The following RSPO3 variants were observed in gnomAD, a reference collection of about 807,000 sequenced individuals.
The protein encoded by RSPO3 is R-spondin-3.
RSPO3 carries 17 observed loss-of-function variants against 36.5 expected under a neutral mutation model. The observed-to-expected ratio is 0.47, with a 90% confidence interval of 0.32 to 0.70. RSPO3 has a LOEUF of 0.70. RSPO3 is among the 30% of genes least tolerant of loss of function. The pLI, the probability that RSPO3 is intolerant of heterozygous loss-of-function variation, is 0.04. For missense variants in RSPO3, 294 were observed against 322.5 expected (o/e 0.91, Z 0.68); for synonymous variants, 108 against 107.0 (o/e 1.01, Z -0.06).
chr6:127,196,284 G>A lies in RSPO3; in HGVS notation c.*277G>A, dbSNP rs1775514375. On this transcript the variant is annotated 3_prime_UTR_variant, in exon 5 of 5. Transcript: ENST00000356698. Reference sequence around the variant, plus strand: ...ACATATTATCAATAGGCTATAAGATGTAACAACGAAATGATGACATCTGGA... The same window carrying A: ...ACATATTATCAATAGGCTATAAGATATAACAACGAAATGATGACATCTGGA... 8.8e-6 allele frequency: 2 copies of A among 227,968 alleles called. No homozygotes were observed. The highest frequency in any genetic ancestry group is 1.7e-5 in the Non-Finnish European group (2 of 116,988). The allele number at this position is 227,968 out of a possible 1,614,324, so 14.1% of individuals were successfully genotyped here. A position where few individuals can be genotyped will look rare whatever the true frequency, so the allele number is the denominator to read the frequency against.
chr6:127,197,286 C>T lies in RSPO3; in HGVS notation c.*1279C>T, dbSNP rs981700999. The T allele has an allele frequency of 4.0e-6, 4 of 1,004,634 alleles. No homozygotes were observed. The highest frequency in any genetic ancestry group is 2.6e-5 in the East Asian group (1 of 38,056). The allele number at this position is 1,004,634 out of a possible 1,614,324, so 62.2% of individuals were successfully genotyped here. On this transcript the variant is annotated 3_prime_UTR_variant, in exon 5 of 5. Coordinates refer to ENST00000356698, the MANE Select transcript of RSPO3 (RefSeq NM_032784.5). ...TTTTAATCAACATTCTAATTATAGA[C>T]ACATGGGCCTCCCTAGCTGATTTCA...
intron 1 of RSPO3, among the ~76,000 whole-genome samples, chr6:127,146,792 T>C (rs192243858): frequency 5.3e-5 from 8 of 152,162 alleles, no homozygotes; most frequent in Middle Eastern, 3.4e-3. Context: ...TGAAAAGGTC[T>C]TACAAGTTTT....
At chr6:127,131,127 G>A (rs530400011) in intron 1 of RSPO3, among the ~76,000 whole-genome samples, 2 of 152,246 alleles carry the variant, frequency 1.3e-5, no homozygotes, top group South Asian at 4.1e-4. Context: ...TTCCTTGGAG[G>A]CCAGTTAGGC....
chr6:127,144,643 G>GTTTTTTTTTTGTTTTTTT (rs1554220624), intron 1 of RSPO3, among the ~76,000 whole-genome samples: 997 of 99,048 alleles, frequency 0.01, 126 homozygotes, highest in African/African-American at 0.039. Context: ...GCTTCCCCTT[G>GTTTTTTTTTTGTTTTTTT]TTTTTTTTTT....
intron 1 of RSPO3, among the ~76,000 whole-genome samples, chr6:127,148,341 C>T (rs922984713): frequency 1.9e-4 from 29 of 151,088 alleles, no homozygotes; most frequent in African/African-American, 7.0e-4. Context: ...ATTAGTTATA[C>T]ATAATTTAAA....
chr6:127,158,663 T>A (rs1774644088), intron 4 of RSPO3, among the ~76,000 whole-genome samples: 1 of 152,168 alleles, frequency 6.6e-6, no homozygotes, highest in Non-Finnish European at 1.5e-5. Context: ...ATGTATATGT[T>A]ACAAAATCTT....
At chr6:127,181,112 A>T (rs1775177942) in intron 4 of RSPO3, among the ~76,000 whole-genome samples, 1 of 151,856 alleles carries the variant, frequency 6.6e-6, no homozygotes, top group Admixed American at 6.6e-5. Context: ...ACTATGACTA[A>T]ATAGCTTGAC....
chr6:127,147,006 T>C (rs1202366699), intron 1 of RSPO3, among the ~76,000 whole-genome samples: 1 of 152,148 alleles, frequency 6.6e-6, no homozygotes, highest in Non-Finnish European at 1.5e-5. Context: ...GGCCCTGTAA[T>C]GTCTAAACCT....
chr6:127,199,220 T>C lies in RSPO3; in HGVS notation c.*3213T>C, dbSNP rs897262184. Reference sequence around the variant, plus strand: ...ATCATCCCAAATCTGCAAAATGGAATTGGCATCATCTCTTTTGCAAGATTG... The same window carrying C: ...ATCATCCCAAATCTGCAAAATGGAACTGGCATCATCTCTTTTGCAAGATTG... On this transcript the variant is annotated 3_prime_UTR_variant, in exon 5 of 5. Transcript: ENST00000356698. Among the ~76,000 whole-genome samples, 6 of 152,194 alleles carry C rather than the reference T, an allele frequency of 3.9e-5. No individual in the cohort carries two copies. Among genetic ancestry groups the C allele is most frequent in the African/African-American group, 7.2e-5 (3 of 41,454 alleles).
At chr6:127,167,934 A>G (rs1399711708) in intron 4 of RSPO3, among the ~76,000 whole-genome samples, 1 of 152,036 alleles carries the variant, frequency 6.6e-6, no homozygotes, top group Non-Finnish European at 1.5e-5. Context: ...TACAAAGGAC[A>G]TGAACTCATC....
intron 1 of RSPO3, among the ~76,000 whole-genome samples, chr6:127,125,009 A>T (rs1773912909): frequency 6.6e-6 from 1 of 152,162 alleles, no homozygotes; most frequent in African/African-American, 2.4e-5. Flanking sequence ...AACTGTTTGA[A>T]TAATTTTTAA....
chr6:127,120,276 C>T (rs530468847), intron 1 of RSPO3, among the ~76,000 whole-genome samples: 1 of 152,178 alleles, frequency 6.6e-6, no homozygotes, highest in African/African-American at 2.4e-5. Context: ...TCCAGGGTAG[C>T]CTGGCGCCCT....
intron 1 of RSPO3, among the ~76,000 whole-genome samples, chr6:127,139,084 A>G (rs993894105): frequency 6.6e-6 from 1 of 152,230 alleles, no homozygotes; most frequent in Non-Finnish European, 1.5e-5. Context: ...AATTGGAGCC[A>G]TGCACATAAG....
rs563723152 is a variant in RSPO3, at chr6:127,183,114, G to A, written c.635-12709G>A. On this transcript the variant is annotated intron_variant, in intron 4 of 4. Coordinates refer to ENST00000356698, the MANE Select transcript of RSPO3 (RefSeq NM_032784.5). The stretch of plus-strand genomic sequence containing the variant: ...ACTGTTTTCCAGCTTTGGGCTGAGA[G>A]ATGGACTCTGATCCACACTCCCAAC... 2.4e-4 allele frequency among the ~76,000 whole-genome samples: 37 copies of A among 152,000 alleles called. No individual in the cohort carries two copies. In the East Asian group the frequency reaches 6.4e-3, roughly 26 times the overall value.
chr6:127,119,023 C>T lies in RSPO3; in HGVS notation c.-170C>T. The T allele has an allele frequency of 2.0e-6, 1 of 504,840 alleles. No individual in the cohort carries two copies. 31.3% of individuals were successfully genotyped at this position (504,840 alleles called of 1,614,324 possible). ...ACAATAGTTGGTTTCCCTGTCCACC[C>T]GCCCCACTTCGCTTGCCATCACAGC... On this transcript the variant is annotated 5_prime_UTR_variant, in exon 1 of 5. Coordinates refer to ENST00000356698, the MANE Select transcript of RSPO3 (RefSeq NM_032784.5).
chr6:127,195,879 G>A lies in RSPO3; in HGVS notation c.691G>A (p.Ala231Thr), dbSNP rs779635990. The change falls in exon 5 of 5, where the codon GCA (alanine) becomes ACA (threonine). Residue 231 changes from alanine to threonine, a missense_variant. Around this residue, in one of 3 missense-constraint regions of RSPO3, gnomAD observed 190 missense variants for 185.2 expected, o/e 1.03. Transcript: ENST00000356698. ...ACCTAATAAAGGAGAAAGTAAAGAA[G>A]CAATACCTGACAGCAAAAGTCTGGA... ...KKPNKGESKE[A>T]IPDSKSLESS... 2 of 1,609,836 alleles carry A rather than the reference G, an allele frequency of 1.2e-6. No individual in the cohort carries two copies. Among genetic ancestry groups the A allele is most frequent in the South Asian group, 1.1e-5 (1 of 90,412 alleles).
At chr6:127,121,063 C>T (rs1340948560) in intron 1 of RSPO3, among the ~76,000 whole-genome samples, 2 of 152,186 alleles carry the variant, frequency 1.3e-5, no homozygotes, top group African/African-American at 4.8e-5. Context: ...CTCTTCCAGC[C>T]CGTGCCCATT....
chr6:127,128,162 T>C (rs1229736131), intron 1 of RSPO3, among the ~76,000 whole-genome samples: 1 of 152,102 alleles, frequency 6.6e-6, no homozygotes, highest in Non-Finnish European at 1.5e-5. Flanking sequence ...ACAACCACAA[T>C]AGATATTTTA....
chr6:127,152,932 A>G (rs1172748665), intron 3 of RSPO3, among the ~76,000 whole-genome samples: 1 of 152,114 alleles, frequency 6.6e-6, no homozygotes, highest in East Asian at 1.9e-4. Flanking sequence ...GTAGCAAGGG[A>G]CATTCCCTTG....
Sources: gnomAD v4.1 joint callset for allele counts (sites outside exome capture counted in the v4.1 genomes callset) on GRCh38, gnomAD v4.1.1 for gene constraint, gnomAD v4.1.1 regional missense constraint, MANE v1.5 for transcripts, NCBI Gene and HGNC (gene_info 2026-07-23, HGNC 2026-07-21) for gene names.